Variants in PLCL1 observed in about 807,000 individuals in gnomAD.
PLCL1 encodes the protein phospholipase C like 1 (inactive), also known as inactive phospholipase C-like protein 1.
Under a neutral mutation model 84.4 loss-of-function variants are expected in PLCL1, and 41 were observed. The ratio of observed to expected loss-of-function variants is 0.49; its 90% CI spans 0.38 to 0.63. The LOEUF (loss-of-function observed/expected upper bound fraction) is 0.63, where lower values mean the gene tolerates loss of function less well. Among genes scored for constraint, PLCL1 ranks in the 30% least tolerant of loss-of-function variants. PLCL1 has a pLI of 0.00. For missense variants in PLCL1, 1,206 were observed against 1,367.8 expected, an observed-to-expected ratio of 0.88 and a Z score of 1.87; for synonymous variants, 490 against 488.3, an observed-to-expected ratio of 1.00 and a Z score of -0.05.
chr2:198,048,098 C>A (rs1232584864), intron 1 of PLCL1, among the ~76,000 whole-genome samples: 1 of 152,198 alleles, frequency 6.6e-6, no homozygotes, highest in Admixed American at 6.5e-5. Context: ...CTCTCAGTTT[C>A]TGTTCTGAGT....
intron 1 of PLCL1, among the ~76,000 whole-genome samples, chr2:197,931,655 A>T (rs1294291524): frequency 1.9e-5 from 2 of 103,382 alleles, no homozygotes; most frequent in Non-Finnish European, 4.0e-5. Flanking sequence ...CATCCAACCA[A>T]CCAACCAACC....
intron 1 of PLCL1, among the ~76,000 whole-genome samples, chr2:197,891,823 A>C (rs1209729709): frequency 6.6e-6 from 1 of 152,148 alleles, no homozygotes; most frequent in East Asian, 1.9e-4. Flanking sequence ...GAATCTTGTG[A>C]AAATATACAT....
chr2:198,038,847 A>AG (rs1047581787), intron 1 of PLCL1, among the ~76,000 whole-genome samples: 14 of 150,162 alleles, frequency 9.3e-5, no homozygotes, highest in Non-Finnish European at 2.1e-4. Context: ...TAAAGGTCAA[A>AG]AAAAAAAAAA....
At chr2:197,968,776 G>A (rs750382113) in intron 1 of PLCL1, among the ~76,000 whole-genome samples, 51 of 152,168 alleles carry the variant, frequency 3.4e-4, no homozygotes, top group Non-Finnish European at 6.3e-4. Context: ...TCTACTGGAC[G>A]TTTTCAGAAC....
chr2:197,899,359 C>G (rs1190094940), intron 1 of PLCL1, among the ~76,000 whole-genome samples: 2 of 151,540 alleles, frequency 1.3e-5, no homozygotes, highest in Non-Finnish European at 2.9e-5. Context: ...TGCTTTAGAG[C>G]CAGAAAATGG....
At position 197,805,329 on chromosome 2, in the gene PLCL1, G is replaced by T. The variant is rs1273172601; in HGVS notation, c.230G>T (p.Ser77Ile). Reference protein sequence around the residue: ...EAARATPRRSSIIKDPSNQKC... With the variant: ...EAARATPRRSIIIKDPSNQKC... ...GCACGGGCGACCCCCCGGCGCAGCA[G>T]CATCATCAAGGTAAGCAAAGCCGCG... The change falls in exon 1 of 6, where the codon AGC (serine) becomes ATC (isoleucine). Residue 77 changes from serine to isoleucine, a missense_variant. Ser to Ile is a moderately radical substitution (Grantham distance 142). Transcript: ENST00000428675. The surrounding 1 kb of genome is among the most constrained non-coding windows in gnomAD (Gnocchi z 4.0). The T allele has an allele frequency of 4.5e-6, 6 of 1,324,390 alleles. No individual in the cohort carries two copies. Among genetic ancestry groups the T allele is most frequent in the Middle Eastern group, 2.1e-4 (1 of 4,790 alleles). The allele number at this position is 1,324,390 out of a possible 1,614,324, so 82.0% of individuals were successfully genotyped here.
intron 5 of PLCL1, among the ~76,000 whole-genome samples, chr2:198,104,284 A>G (rs1193794918): frequency 6.6e-6 from 1 of 151,940 alleles, no homozygotes; most frequent in Non-Finnish European, 1.5e-5. Context: ...AAGTGAGAAT[A>G]TATAGTATTT....
chr2:197,965,914 A>G (rs1689722618), intron 1 of PLCL1, among the ~76,000 whole-genome samples: 1 of 151,904 alleles, frequency 6.6e-6, no homozygotes, highest in Admixed American at 6.6e-5. Context: ...TTAGAGTCTC[A>G]CCCAAGGCCC....
intron 1 of PLCL1, among the ~76,000 whole-genome samples, chr2:197,961,601 G>A (rs1281717813): frequency 6.7e-6 from 1 of 150,260 alleles, no homozygotes; most frequent in Non-Finnish European, 1.5e-5. Context: ...AGCTGCTGGA[G>A]GATTGCTTAT....
chr2:198,144,306 C>A (rs997875007), intron 5 of PLCL1, among the ~76,000 whole-genome samples: 6 of 152,060 alleles, frequency 3.9e-5, no homozygotes, highest in Non-Finnish European at 5.9e-5. Flanking sequence ...AAAAGTAATA[C>A]TCTGAAAATG....
intron 1 of PLCL1, among the ~76,000 whole-genome samples, chr2:197,984,133 T>C (rs925958354): frequency 2.0e-5 from 3 of 152,244 alleles, no homozygotes; most frequent in Non-Finnish European, 4.4e-5. Context: ...ATTAGGCAGA[T>C]CTGTGGAAAA....
chr2:198,113,658 A>G (rs1410430928), intron 5 of PLCL1, among the ~76,000 whole-genome samples: 1 of 151,892 alleles, frequency 6.6e-6, no homozygotes, highest in Non-Finnish European at 1.5e-5. Context: ...GTATCTTGAT[A>G]CTTGAGTGTG....
intron 1 of PLCL1, among the ~76,000 whole-genome samples, chr2:197,961,643 T>TATG (rs1689626700): frequency 2.0e-5 from 2 of 102,214 alleles, no homozygotes; most frequent in Admixed American, 9.5e-5. Context: ...GTAGTCTTAT[T>TATG]AATATTTGGC....
chr2:197,982,803 C>A (rs910810923), intron 1 of PLCL1, among the ~76,000 whole-genome samples: 2 of 152,162 alleles, frequency 1.3e-5, no homozygotes, highest in African/African-American at 2.4e-5. Flanking sequence ...CCTTGGAGGA[C>A]CTCGCATCCA....
At chr2:197,964,098 T>A (rs544136747) in intron 1 of PLCL1, among the ~76,000 whole-genome samples, 1 of 152,256 alleles carries the variant, frequency 6.6e-6, no homozygotes, top group South Asian at 2.1e-4. Flanking sequence ...CTTTTGTGGT[T>A]TTATATAAAT....
intron 1 of PLCL1, among the ~76,000 whole-genome samples, chr2:198,009,362 A>G (rs1690811556): frequency 6.6e-6 from 1 of 151,984 alleles, no homozygotes; most frequent in South Asian, 2.1e-4. Context: ...ATTTTTATGT[A>G]TGGTACAAGG....
chr2:197,907,870 T>C (rs970803245), intron 1 of PLCL1, among the ~76,000 whole-genome samples: 5 of 152,158 alleles, frequency 3.3e-5, no homozygotes, highest in African/African-American at 7.2e-5. Context: ...ATTTAATTGG[T>C]CTGGGGCACA....
chr2:197,809,666 A>G (rs565407256), intron 1 of PLCL1, among the ~76,000 whole-genome samples: 7 of 152,064 alleles, frequency 4.6e-5, no homozygotes, highest in African/African-American at 1.7e-4. Flanking sequence ...CACTTTCCCC[A>G]TACCCCTGCA....
intron 5 of PLCL1, among the ~76,000 whole-genome samples, chr2:198,144,540 T>C (rs1694470039): frequency 6.6e-6 from 1 of 152,224 alleles, no homozygotes; most frequent in Admixed American, 6.5e-5. Context: ...TATATCATTG[T>C]GATTCCTATA....
Sources: allele counts gnomAD v4.1 joint callset (sites outside exome capture counted in the v4.1 genomes callset), GRCh38; gene constraint gnomAD v4.1.1; non-coding constraint Gnocchi (gnomAD v3.1); transcripts MANE v1.5; gene names NCBI Gene and HGNC (gene_info 2026-07-23, HGNC 2026-07-21).